CSMD1: variants seen among roughly 807,000 people sequenced by gnomAD.
The protein encoded by CSMD1 is CUB and sushi domain-containing protein 1.
In CSMD1, 213 loss-of-function variants were observed where a neutral mutation model predicts 417.5. That is an observed-to-expected ratio of 0.51 (90% CI 0.46 to 0.57). The LOEUF is 0.57. Ranked by LOEUF, CSMD1 falls within the 20% of genes least tolerant of loss-of-function variation. CSMD1 has a pLI of 0.00. For synonymous variants in CSMD1, 2,862 were observed against 1,736.8 expected (o/e 1.65, Z -16.11); for missense variants, 6,923 against 4,529.7 (o/e 1.53, Z -15.17).
chr8:3,907,371 T>C (rs1205033911), intron 5 of CSMD1, among the ~76,000 whole-genome samples: 1 of 152,230 alleles, frequency 6.6e-6, no homozygotes, highest in Non-Finnish European at 1.5e-5. Context: ...TCAATCTTTT[T>C]GGGAATTATC....
At chr8:3,416,913 A>T (rs1351209767) in intron 12 of CSMD1, among the ~76,000 whole-genome samples, 1 of 152,252 alleles carries the variant, frequency 6.6e-6, no homozygotes, top group Non-Finnish European at 1.5e-5. Flanking sequence ...TCAATGAATA[A>T]AACTAAATTC....
At chr8:4,290,876 C>T (rs746464303) in intron 3 of CSMD1, among the ~76,000 whole-genome samples, 2 of 152,278 alleles carry the variant, frequency 1.3e-5, no homozygotes, top group East Asian at 3.9e-4. Flanking sequence ...GACTCATCAT[C>T]CTTTACAATG....
At chr8:4,553,439 A>ATTTT (rs34779117) in intron 2 of CSMD1, among the ~76,000 whole-genome samples, 63 of 139,482 alleles carry the variant, frequency 4.5e-4, no homozygotes, top group African/African-American at 1.5e-3. Context: ...CTGAAAAAGA[A>ATTTT]TTTTTTTTTT....
Position 3,173,992 on chromosome 8 carries a change from T to C in CSMD1, c.5725+7118A>G, listed in dbSNP as rs76675540. Among the ~76,000 whole-genome samples the C allele has an allele frequency of 8.3e-3, 1,260 of 152,318 alleles. 14 individuals carry two copies. The highest frequency in any genetic ancestry group is 0.029 in the African/African-American group (1,207 of 41,566). ...TCCAGAATTTTAATCCTCATTTAGA[T>C]ACTTCCTTCTAAGTACCTGTTTTGA... is the stretch of plus-strand genomic sequence containing the variant. On this transcript the variant is annotated intron_variant, in intron 37 of 69. Coordinates refer to ENST00000635120, the MANE Select transcript of CSMD1 (RefSeq NM_033225.6).
intron 5 of CSMD1, among the ~76,000 whole-genome samples, chr8:3,838,905 C>CTCTT (rs371596602): frequency 0.34 from 36,249 of 107,050 alleles, 7,624 homozygotes; most frequent in African/African-American, 0.49. Context: ...ATAATATATA[C>CTCTT]TCTAGATATG....
intron 3 of CSMD1, among the ~76,000 whole-genome samples, chr8:4,075,912 C>T (rs990989586): frequency 6.6e-6 from 1 of 152,192 alleles, no homozygotes; most frequent in Non-Finnish European, 1.5e-5. Context: ...TCCCAATCCA[C>T]TGGTACTTTA....
intron 3 of CSMD1, among the ~76,000 whole-genome samples, chr8:4,126,492 G>C (rs759975405): frequency 6.6e-6 from 1 of 152,126 alleles, no homozygotes; most frequent in Non-Finnish European, 1.5e-5. Context: ...CACCTCCATG[G>C]GCACACTGGA....
At chr8:4,975,768 C>T (rs192772471) in intron 1 of CSMD1, among the ~76,000 whole-genome samples, 378 of 152,260 alleles carry the variant, frequency 2.5e-3, no homozygotes, top group Middle Eastern at 6.8e-3. Context: ...TCCATAATAA[C>T]CACTATGACC....
intron 3 of CSMD1, among the ~76,000 whole-genome samples, chr8:4,224,122 T>C (rs1324261473): frequency 6.6e-6 from 1 of 152,246 alleles, no homozygotes; most frequent in East Asian, 1.9e-4. Flanking sequence ...TAACTGAACA[T>C]ACCATGAGGA....
At position 3,181,225 on chromosome 8, in the gene CSMD1, C is replaced by G; in HGVS notation, c.5621-11G>C. 1 of 1,575,694 alleles carries G rather than the reference C, an allele frequency of 6.3e-7. No homozygotes were observed. Among genetic ancestry groups the G allele is most frequent in the Non-Finnish European group, 8.7e-7 (1 of 1,145,864 alleles). On this transcript the variant is annotated splice_polypyrimidine_tract_variant and intron_variant, in intron 36 of 69. Transcript: ENST00000635120. ...CCGGTACTGTGGTGCCTGTAAGAAA[C>G]AATGCAGATAGAATTGTAACACTAC... is the stretch of plus-strand genomic sequence containing the variant.
At chr8:2,952,114 C>T (rs529402858) in intron 65 of CSMD1, among the ~76,000 whole-genome samples, 3 of 152,252 alleles carry the variant, frequency 2.0e-5, no homozygotes, top group Non-Finnish European at 4.4e-5. Context: ...CACACATAAA[C>T]GTGAATTGTA....
chr8:4,188,969 G>T (rs999730245), intron 3 of CSMD1, among the ~76,000 whole-genome samples: 1 of 152,272 alleles, frequency 6.6e-6, no homozygotes, highest in African/African-American at 2.4e-5. Flanking sequence ...GTGTTGAGGG[G>T]ACCCAGACCT....
At chr8:3,749,246 T>C (rs964206387) in intron 6 of CSMD1, among the ~76,000 whole-genome samples, 1 of 152,214 alleles carries the variant, frequency 6.6e-6, no homozygotes, top group Admixed American at 6.5e-5. Flanking sequence ...AAAGAAATAA[T>C]GTGTCCTGCA....
intron 26 of CSMD1, among the ~76,000 whole-genome samples, chr8:3,275,900 T>C (rs190529174): frequency 6.6e-6 from 1 of 152,184 alleles, no homozygotes; most frequent in Non-Finnish European, 1.5e-5. Flanking sequence ...CAGAGTAATT[T>C]GATTGTCTGA....
chr8:4,212,097 A>T (rs901470394), intron 3 of CSMD1, among the ~76,000 whole-genome samples: 2 of 151,866 alleles, frequency 1.3e-5, no homozygotes, highest in African/African-American at 4.8e-5. Flanking sequence ...ACGGAACGTA[A>T]AAGTCATGAT....
At chr8:3,880,886 G>T (rs1011870010) in intron 5 of CSMD1, among the ~76,000 whole-genome samples, 1 of 151,934 alleles carries the variant, frequency 6.6e-6, no homozygotes, top group Non-Finnish European at 1.5e-5. Context: ...GTCCTCCTTC[G>T]TGTACCATTG....
intron 1 of CSMD1, among the ~76,000 whole-genome samples, chr8:4,822,916 A>C (rs1240630483): frequency 6.6e-6 from 1 of 152,036 alleles, no homozygotes; most frequent in Non-Finnish European, 1.5e-5. Context: ...ACTTTCTGTG[A>C]CTAATATTTT....
chr8:3,401,805 T>A lies in CSMD1; in HGVS notation c.2267-2276A>T, dbSNP rs576112950. ...AGAACCCATGACAAGGTTCCTTTAATCTACAAGATTCAAGAAAAGACATTC... is the reference window on the plus strand; with the variant it reads ...AGAACCCATGACAAGGTTCCTTTAAACTACAAGATTCAAGAAAAGACATTC... On this transcript the variant is annotated intron_variant, in intron 15 of 69. Transcript: ENST00000635120. 3.9e-5 allele frequency among the ~76,000 whole-genome samples: 6 copies of A among 152,178 alleles called. No individual in the cohort carries two copies. The South Asian group carries it at 1.2e-3, about 32-fold the overall frequency.
chr8:4,097,459 T>C (rs529805363), intron 3 of CSMD1, among the ~76,000 whole-genome samples: 2 of 152,056 alleles, frequency 1.3e-5, no homozygotes, highest in Admixed American at 1.3e-4. Flanking sequence ...TTAAAGGGGG[T>C]TGTAATAATT....
Sources: gnomAD v4.1 joint callset for allele counts (sites outside exome capture counted in the v4.1 genomes callset) on GRCh38, gnomAD v4.1.1 for gene constraint, MANE v1.5 for transcripts, NCBI Gene and HGNC (gene_info 2026-07-23, HGNC 2026-07-21) for gene names.